SYT1: variants seen among roughly 807,000 people sequenced by gnomAD.
SYT1 encodes synaptotagmin-1.
Under a neutral mutation model 44.8 loss-of-function variants are expected in SYT1, and 8 were observed. The observed-to-expected ratio is 0.18, with a 90% CI of 0.10 to 0.32. The LOEUF (loss-of-function observed/expected upper bound fraction) is 0.32, where lower values mean the gene tolerates loss of function less well. Among genes scored for constraint, SYT1 ranks in the 10% least tolerant of loss-of-function variants. SYT1 has a pLI of 1.00. For missense variants in SYT1, 286 were observed against 509.3 expected, an observed-to-expected ratio of 0.56 and a Z score of 4.22; for synonymous variants, 154 against 188.8, an observed-to-expected ratio of 0.82 and a Z score of 1.51.
At chr12:79,308,610 GAAAAAGAAAGAAAGAAAGAA>G (rs1880576847) in intron 8 of SYT1, among the ~76,000 whole-genome samples, 3 of 61,076 alleles carry the variant, frequency 4.9e-5, no homozygotes, top group Non-Finnish European at 6.9e-5. Flanking sequence ...AAGAAAGAAA[GAAAAAGAAAGAAAGAAAGAA>G]AGAAAGAAAG....
chr12:79,189,418 A>C (rs1872984839), intron 3 of SYT1, among the ~76,000 whole-genome samples: 1 of 152,196 alleles, frequency 6.6e-6, no homozygotes, highest in Admixed American at 6.5e-5. Context: ...AGGTATGTTC[A>C]AGTCATTATA....
rs549941344 is a variant in SYT1 at position 78,879,252 on chromosome 12, G to T, written c.-217+14143G>T. Among the ~76,000 whole-genome samples the T allele has an allele frequency of 1.6e-4, 24 of 151,824 alleles. No individual in the cohort carries two copies. In the South Asian group the frequency reaches 4.8e-3, roughly 30 times the overall value. On this transcript the variant is annotated intron_variant, in intron 1 of 10. Transcript: ENST00000261205. ...ATAAGATACTCTGAGTGACTTTGGGGTTATGTTAGGTGTTCAGTTCATTCA... is the reference window on the plus strand; with the variant it reads ...ATAAGATACTCTGAGTGACTTTGGGTTTATGTTAGGTGTTCAGTTCATTCA...
chr12:79,035,244 C>T (rs551825960), intron 2 of SYT1, among the ~76,000 whole-genome samples: 84 of 151,848 alleles, frequency 5.5e-4, no homozygotes, highest in South Asian at 1.5e-3. Flanking sequence ...ATAATTTTCT[C>T]TTCTTCAGTC....
chr12:79,063,279 AG>A (rs1875522917), intron 3 of SYT1, among the ~76,000 whole-genome samples: 1 of 152,160 alleles, frequency 6.6e-6, no homozygotes, highest in Non-Finnish European at 1.5e-5. Context: ...CTATTTTATC[AG>A]GGGAGAAGGC....
intron 9 of SYT1, among the ~76,000 whole-genome samples, chr12:79,363,694 C>G (rs1269881826): frequency 2.0e-5 from 3 of 151,428 alleles, no homozygotes; most frequent in African/African-American, 7.3e-5. Flanking sequence ...GTGATTGTGC[C>G]ACTGCACTCC....
At chr12:79,122,865 G>A (rs1407355956) in intron 3 of SYT1, among the ~76,000 whole-genome samples, 2 of 152,098 alleles carry the variant, frequency 1.3e-5, no homozygotes, top group Non-Finnish European at 2.9e-5. Context: ...AATTCTAACT[G>A]TTCATCCAAC....
chr12:78,953,822 T>C (rs1879086793), intron 1 of SYT1, among the ~76,000 whole-genome samples: 1 of 152,062 alleles, frequency 6.6e-6, no homozygotes, highest in Non-Finnish European at 1.5e-5. Flanking sequence ...AGAAAGTGCA[T>C]CAGATTTTTT....
intron 9 of SYT1, among the ~76,000 whole-genome samples, chr12:79,365,750 A>T (rs1236360575): frequency 6.6e-6 from 1 of 151,662 alleles, no homozygotes; most frequent in Non-Finnish European, 1.5e-5. Context: ...AAAGGATTTT[A>T]AAGTAAGATG....
chr12:79,370,801 A>G (rs1883755920), intron 9 of SYT1, among the ~76,000 whole-genome samples: 2 of 151,976 alleles, frequency 1.3e-5, no homozygotes, highest in South Asian at 4.2e-4. Flanking sequence ...TAAAAATAAA[A>G]GAAATACTGA....
intron 9 of SYT1, among the ~76,000 whole-genome samples, chr12:79,434,687 G>A (rs1280459718): frequency 6.6e-6 from 1 of 152,162 alleles, no homozygotes; most frequent in Non-Finnish European, 1.5e-5. Context: ...GTGCCTGATG[G>A]CTCATTCCTA....
chr12:79,323,243 A>G (rs1446410348), intron 8 of SYT1, among the ~76,000 whole-genome samples: 5 of 152,140 alleles, frequency 3.3e-5, no homozygotes, highest in Non-Finnish European at 7.4e-5. Context: ...ATGTCTTCCA[A>G]AGTAATCTAT....
Position 79,214,939 on chromosome 12 carries a change from ATATG to A in SYT1, c.-17-2562_-17-2559del, listed in dbSNP as rs1262535130. Among the ~76,000 whole-genome samples, 161 of 95,284 alleles carry A rather than the reference ATATG, an allele frequency of 1.7e-3. 1 individual carries two copies. Among genetic ancestry groups the A allele is most frequent in the African/African-American group, 8.0e-3 (150 of 18,838 alleles). The allele number at this position is 95,284 out of a possible 152,430, so 62.5% of individuals were successfully genotyped here. A position where few individuals can be genotyped will look rare whatever the true frequency, so the allele number is the denominator to read the frequency against. ...AATACGTGCCTGTAATAATGTGTGT[ATATG>A]TGTGTGTGTGTGTGTGTGTGTGTGT... On this transcript the variant is annotated intron_variant, in intron 3 of 10. Coordinates refer to ENST00000261205, the MANE Select transcript of SYT1 (RefSeq NM_005639.3).
At chr12:78,944,228 T>C (rs953301056) in intron 1 of SYT1, among the ~76,000 whole-genome samples, 6 of 117,934 alleles carry the variant, frequency 5.1e-5, no homozygotes, top group Non-Finnish European at 1.1e-4. Context: ...TAATGGTAAA[T>C]TGGCAAGTAC....
chr12:78,983,309 A>T (rs539348897), intron 2 of SYT1, among the ~76,000 whole-genome samples: 33 of 152,216 alleles, frequency 2.2e-4, no homozygotes, highest in African/African-American at 7.9e-4. Flanking sequence ...GTAATACCAG[A>T]GTGGCTCCAA....
Position 79,310,479 on chromosome 12 carries a change from A to G in SYT1, c.810+10928A>G, listed in dbSNP as rs373269541. ...TCCTCCAGCTTTGTTCTTTTGGCTTAGGATTGACTTGGCAATGCAGGCTCT... is the reference window on the plus strand; with the variant it reads ...TCCTCCAGCTTTGTTCTTTTGGCTTGGGATTGACTTGGCAATGCAGGCTCT... On this transcript the variant is annotated intron_variant, in intron 8 of 10. Transcript: ENST00000261205. 5.5e-4 allele frequency among the ~76,000 whole-genome samples: 84 copies of G among 152,328 alleles called. 2 individuals carry two copies. The East Asian group carries it at 0.013, about 23-fold the overall frequency.
At chr12:79,372,537 C>T (rs1305731701) in intron 9 of SYT1, among the ~76,000 whole-genome samples, 3 of 152,190 alleles carry the variant, frequency 2.0e-5, no homozygotes, top group Non-Finnish European at 4.4e-5. Context: ...AATATTACAG[C>T]TAGTTCTTTA....
intron 3 of SYT1, among the ~76,000 whole-genome samples, chr12:79,135,641 A>G (rs1386195902): frequency 6.6e-6 from 1 of 152,168 alleles, no homozygotes; most frequent in African/African-American, 2.4e-5. Context: ...CTCCAGATTT[A>G]TTCTGTGATG....
chr12:79,077,572 A>C (rs1393485020), intron 3 of SYT1, among the ~76,000 whole-genome samples: 2 of 152,210 alleles, frequency 1.3e-5, no homozygotes, highest in Non-Finnish European at 2.9e-5. Flanking sequence ...AATTGAGGCA[A>C]ATTATGAATA....
chr12:79,235,819 A>G (rs1489474940), intron 4 of SYT1, among the ~76,000 whole-genome samples: 1 of 152,082 alleles, frequency 6.6e-6, no homozygotes, highest in Non-Finnish European at 1.5e-5. Context: ...ATATAAAATA[A>G]CAATGAAATG....
Sources: gnomAD v4.1 joint callset for allele counts (sites outside exome capture counted in the v4.1 genomes callset) on GRCh38, gnomAD v4.1.1 for gene constraint, MANE v1.5 for transcripts, NCBI Gene and HGNC (gene_info 2026-07-23, HGNC 2026-07-21) for gene names.